Variants in TRPS1 observed in about 807,000 individuals in gnomAD.
TRPS1 encodes the protein zinc finger transcription factor Trps1.
In TRPS1, 6 loss-of-function variants were observed where a neutral mutation model predicts 101.2. The observed-to-expected ratio is 0.06, with a 90% CI of 0.03 to 0.12. The LOEUF is 0.12. TRPS1 is among the 10% of genes least tolerant of loss of function. The probability of loss-of-function intolerance (pLI) is 1.00; values close to 1 mark genes in which losing one functional copy is unlikely to be tolerated. For synonymous variants in TRPS1, 578 were observed against 589.8 expected, an observed-to-expected ratio of 0.98 and a Z score of 0.29; for missense variants, 1,363 against 1,567.0, an observed-to-expected ratio of 0.87 and a Z score of 2.20.
Position 115,482,549 on chromosome 8 carries a change from C to T in TRPS1, c.2701-64097G>A, listed in dbSNP as rs549783446. ...CAAACATCACAATACTAGGAGAGCA[C>T]ATTCTGTCCCAATACTTTCAAGTTT... On this transcript the variant is annotated intron_variant, in intron 5 of 6. Transcript: ENST00000395715. 3.3e-5 allele frequency among the ~76,000 whole-genome samples: 5 copies of T among 152,276 alleles called. No homozygotes were observed. The South Asian group carries it at 1.0e-3, about 32-fold the overall frequency.
At chr8:115,576,235 T>C (rs1817314319) in intron 5 of TRPS1, among the ~76,000 whole-genome samples, 1 of 152,006 alleles carries the variant, frequency 6.6e-6, no homozygotes, top group Non-Finnish European at 1.5e-5. Flanking sequence ...AACTTATGGA[T>C]TCTCAGCCAC....
chr8:115,431,132 T>C (rs964355448), intron 5 of TRPS1, among the ~76,000 whole-genome samples: 10 of 152,172 alleles, frequency 6.6e-5, no homozygotes, highest in African/African-American at 1.9e-4. Context: ...TAATGATGTA[T>C]GTGAGACTAT....
At chr8:115,616,944 AC>A (rs1203960313) in intron 3 of TRPS1, among the ~76,000 whole-genome samples, 1 of 152,160 alleles carries the variant, frequency 6.6e-6, no homozygotes, top group African/African-American at 2.4e-5. Flanking sequence ...ATATAGAAAA[AC>A]TGTTCAATAT....
intron 5 of TRPS1, among the ~76,000 whole-genome samples, chr8:115,465,999 A>G (rs1341770925): frequency 2.0e-5 from 3 of 152,170 alleles, no homozygotes; most frequent in Non-Finnish European, 4.4e-5. Context: ...GGTAGTAACA[A>G]GGTCACGGTA....
rs928206921 is a variant in TRPS1 at position 115,493,930 on chromosome 8, G to A, written c.2701-75478C>T. On this transcript the variant is annotated intron_variant, in intron 5 of 6. Coordinates refer to ENST00000395715, the MANE Select transcript of TRPS1 (RefSeq NM_014112.5). ...TGGAAAGAAAACACTGATTTATAAA[G>A]GAAACTCTAAATTCCATAAAAAATA... Among the ~76,000 whole-genome samples, 14 of 152,196 alleles carry A rather than the reference G, an allele frequency of 9.2e-5. No individual in the cohort carries two copies. In the South Asian group the frequency reaches 2.9e-3, roughly 32 times the overall value.
At chr8:115,571,234 T>C (rs1817195934) in intron 5 of TRPS1, among the ~76,000 whole-genome samples, 1 of 152,242 alleles carries the variant, frequency 6.6e-6, no homozygotes, top group South Asian at 2.1e-4. Flanking sequence ...TCCTTTACTT[T>C]TAAAATGATT....
At chr8:115,518,803 C>T (rs567605412) in intron 5 of TRPS1, among the ~76,000 whole-genome samples, 4 of 151,906 alleles carry the variant, frequency 2.6e-5, no homozygotes, top group South Asian at 2.1e-4. Context: ...CTTTTGCCAG[C>T]GTCAAACTAA....
At position 115,587,616 on chromosome 8, in the gene TRPS1, GA is replaced by G. The variant is rs781134194; in HGVS notation, c.2097-13del. 6.2e-7 allele frequency: 1 copy of G among 1,613,960 alleles called. No individual in the cohort carries two copies. The highest frequency in any genetic ancestry group is 8.5e-7 in the Non-Finnish European group (1 of 1,180,020). On this transcript the variant is annotated splice_polypyrimidine_tract_variant and intron_variant, in intron 4 of 6. Transcript: ENST00000395715. ...AGCTGTGTGCTCTCCTGGAGAAGAAGAAAACAGTTACTGCAAAGACAGCGTT... is the reference window on the plus strand; with the variant it reads ...AGCTGTGTGCTCTCCTGGAGAAGAAGAAACAGTTACTGCAAAGACAGCGTT...
intron 4 of TRPS1, among the ~76,000 whole-genome samples, chr8:115,590,716 G>A (rs1364590987): frequency 1.3e-5 from 2 of 152,172 alleles, no homozygotes; most frequent in East Asian, 1.9e-4. Flanking sequence ...AAGTAACTTC[G>A]AATAATTTAC....
At chr8:115,461,085 C>A (rs558879878) in intron 5 of TRPS1, among the ~76,000 whole-genome samples, 2 of 152,234 alleles carry the variant, frequency 1.3e-5, no homozygotes, top group Admixed American at 6.5e-5. Context: ...CTGGCAGAAT[C>A]ACCTCTGCAT....
chr8:115,637,171 G>A (rs1818789011), intron 1 of TRPS1: 25 of 851,080 alleles, frequency 2.9e-5, no homozygotes, highest in Non-Finnish European at 3.4e-5. Context: ...ACAAACGGTT[G>A]CTAACAATAT....
chr8:115,432,058 A>C (rs564319283), intron 5 of TRPS1, among the ~76,000 whole-genome samples: 2 of 151,968 alleles, frequency 1.3e-5, no homozygotes, highest in East Asian at 3.9e-4. Flanking sequence ...ATATTTAAAA[A>C]ATTCAGAGGC....
At chr8:115,491,200 T>C (rs11995000) in intron 5 of TRPS1, among the ~76,000 whole-genome samples, 5,588 of 152,260 alleles carry the variant, frequency 0.037, 382 homozygotes, top group African/African-American at 0.13. Context: ...TTATTCACTA[T>C]TACGTTTGAG....
chr8:115,579,642 A>C (rs1330424639), intron 5 of TRPS1, among the ~76,000 whole-genome samples: 2 of 152,092 alleles, frequency 1.3e-5, no homozygotes, highest in Non-Finnish European at 2.9e-5. Context: ...AAAAATTATA[A>C]AGTGTATTTT....
chr8:115,612,522 G>T (rs896736830), intron 3 of TRPS1, among the ~76,000 whole-genome samples: 2 of 152,176 alleles, frequency 1.3e-5, no homozygotes, highest in Non-Finnish European at 2.9e-5. Context: ...GAGGCAAAAA[G>T]AAAGTTGTTG....
chr8:115,576,336 A>G (rs976158858), intron 5 of TRPS1, among the ~76,000 whole-genome samples: 2 of 148,712 alleles, frequency 1.3e-5, no homozygotes, highest in African/African-American at 5.0e-5. Context: ...TTTGGACATC[A>G]GCATCATTAC....
intron 5 of TRPS1, among the ~76,000 whole-genome samples, chr8:115,433,637 C>G (rs928715020): frequency 2.0e-5 from 3 of 152,036 alleles, no homozygotes; most frequent in African/African-American, 7.2e-5. Context: ...TACTTTGGCT[C>G]CACAAGGCTT....
chr8:115,644,622 T>A (rs773592226), intron 1 of TRPS1, among the ~76,000 whole-genome samples: 1 of 152,218 alleles, frequency 6.6e-6, no homozygotes, highest in Non-Finnish European at 1.5e-5. Context: ...ACTTTTAATT[T>A]CCTTCAAGCA....
chr8:115,660,844 C>T (rs2130628313), intron 1 of TRPS1, among the ~76,000 whole-genome samples: 1 of 151,914 alleles, frequency 6.6e-6, no homozygotes, highest in Middle Eastern at 3.4e-3. Context: ...TATTGTGTTG[C>T]TTGATGAAAT....
Sources: allele counts gnomAD v4.1 joint callset (sites outside exome capture counted in the v4.1 genomes callset), GRCh38; gene constraint gnomAD v4.1.1; transcripts MANE v1.5; gene names NCBI Gene and HGNC (gene_info 2026-07-23, HGNC 2026-07-21).